The following PACRG variants were observed in gnomAD, a reference collection of about 807,000 sequenced individuals.
PACRG encodes parkin coregulated gene protein.
Under a neutral mutation model 29.7 loss-of-function variants are expected in PACRG, and 29 were observed. The ratio of observed to expected loss-of-function variants is 0.98; its 90% CI spans 0.73 to 1.33. The LOEUF is 1.33. PACRG is among the 40% of genes most tolerant of loss of function. The pLI, the probability that PACRG is intolerant of heterozygous loss-of-function variation, is 0.00. For missense variants in PACRG, 279 were observed against 316.2 expected, an observed-to-expected ratio of 0.88 and a Z score of 0.89; for synonymous variants, 116 against 118.7, an observed-to-expected ratio of 0.98 and a Z score of 0.15.
Position 163,244,073 on chromosome 6 carries a change from A to G in PACRG, c.614-70754A>G, listed in dbSNP as rs188954650. On this transcript the variant is annotated intron_variant, in intron 4 of 4. Transcript: ENST00000366888. ...TGTCTTTGGCCACTTTTGTGTGTTC[A>G]TTCAGTGATTCACAAAGACGAATAA... Among the ~76,000 whole-genome samples the G allele has an allele frequency of 9.4e-4, 143 of 152,360 alleles. 1 individual carries two copies. Among genetic ancestry groups the G allele is most frequent in the Admixed American group, 8.6e-3 (132 of 15,306 alleles).
intron 4 of PACRG, chr6:163,179,332 G>A: frequency 2.3e-6 from 1 of 439,190 alleles, no homozygotes; most frequent in Non-Finnish European, 4.6e-6. Context: ...CTGCTCCCAA[G>A]ACGAGGCACA....
At chr6:163,073,268 C>G (rs754275726) in intron 3 of PACRG, among the ~76,000 whole-genome samples, 1 of 152,072 alleles carries the variant, frequency 6.6e-6, no homozygotes, top group Admixed American at 6.6e-5. Flanking sequence ...AGAGAGAAGT[C>G]AGAAATAAGT....
At chr6:163,212,533 G>A (rs903057838) in intron 4 of PACRG, among the ~76,000 whole-genome samples, 1 of 152,166 alleles carries the variant, frequency 6.6e-6, no homozygotes. Context: ...AGGGGACACA[G>A]ATGCTGGCTC....
At chr6:162,775,905 G>A (rs1265115654) in intron 1 of PACRG, among the ~76,000 whole-genome samples, 16 of 152,196 alleles carry the variant, frequency 1.1e-4, no homozygotes, top group Non-Finnish European at 2.2e-4. Flanking sequence ...TATAAAGTTA[G>A]TATAAGTTTG....
intron 4 of PACRG, among the ~76,000 whole-genome samples, chr6:163,235,259 G>A (rs1439438475): frequency 6.6e-6 from 1 of 152,154 alleles, no homozygotes; most frequent in Non-Finnish European, 1.5e-5. Flanking sequence ...CCTTTTGCAT[G>A]TGACAGTCTA....
At chr6:163,043,697 C>T (rs918240206) in intron 2 of PACRG, among the ~76,000 whole-genome samples, 1 of 152,134 alleles carries the variant, frequency 6.6e-6, no homozygotes, top group African/African-American at 2.4e-5. Context: ...GAATACTTTC[C>T]AGAACTGGCT....
chr6:163,187,046 C>T (rs1779973360), intron 4 of PACRG, among the ~76,000 whole-genome samples: 1 of 152,250 alleles, frequency 6.6e-6, no homozygotes, highest in Non-Finnish European at 1.5e-5. Flanking sequence ...CGTCCTCAAG[C>T]TCCACAGGGT....
At chr6:163,082,151 C>G (rs1554354548) in intron 3 of PACRG, among the ~76,000 whole-genome samples, 1 of 152,014 alleles carries the variant, frequency 6.6e-6, no homozygotes, top group Non-Finnish European at 1.5e-5. Flanking sequence ...TAATTTTACA[C>G]AAATAACAAC....
At chr6:163,197,586 G>A (rs2128365493) in intron 4 of PACRG, among the ~76,000 whole-genome samples, 1 of 150,240 alleles carries the variant, frequency 6.7e-6, no homozygotes. Flanking sequence ...TGGGACTACA[G>A]GCGCCCGCCA....
intron 4 of PACRG, among the ~76,000 whole-genome samples, chr6:163,104,761 CT>C (rs1815288058): frequency 6.6e-6 from 1 of 152,174 alleles, no homozygotes; most frequent in Admixed American, 6.5e-5. Flanking sequence ...TTCACAATCT[CT>C]TTTGCTAACA....
At chr6:163,090,572 A>G (rs1415152539) in intron 4 of PACRG, among the ~76,000 whole-genome samples, 2 of 152,174 alleles carry the variant, frequency 1.3e-5, no homozygotes, top group African/African-American at 4.8e-5. Flanking sequence ...TTAAAATGTA[A>G]TGTTTTAGTA....
At chr6:162,849,022 G>T (rs913900265) in intron 2 of PACRG, among the ~76,000 whole-genome samples, 2 of 152,168 alleles carry the variant, frequency 1.3e-5, no homozygotes, top group Non-Finnish European at 2.9e-5. Context: ...ATGCCAAATG[G>T]TAACTAAAGG....
At chr6:163,019,699 C>A (rs1328190268) in intron 2 of PACRG, among the ~76,000 whole-genome samples, 1 of 152,082 alleles carries the variant, frequency 6.6e-6, no homozygotes, top group Non-Finnish European at 1.5e-5. Context: ...GTCCCCATTG[C>A]CTTATATTTT....
chr6:162,943,097 C>T (rs1322490486), intron 2 of PACRG, among the ~76,000 whole-genome samples: 2 of 152,186 alleles, frequency 1.3e-5, no homozygotes, highest in African/African-American at 4.8e-5. Flanking sequence ...CCCCTGCAGG[C>T]TCTGAGACTA....
Position 163,163,524 on chromosome 6 carries a change from G to A in PACRG, c.613+74116G>A, listed in dbSNP as rs865952425. On this transcript the variant is annotated intron_variant, in intron 4 of 4. Coordinates refer to ENST00000366888, the MANE Select transcript of PACRG (RefSeq NM_001080379.2). Reference sequence around the variant, plus strand: ...GGACCTCAGGTGACGCGCCTGCCTCGGCCTCACAAAGTGCTGGGATTACAG... The same window carrying A: ...GGACCTCAGGTGACGCGCCTGCCTCAGCCTCACAAAGTGCTGGGATTACAG... Among the ~76,000 whole-genome samples the A allele has an allele frequency of 9.7e-4, 148 of 152,242 alleles. 1 individual carries two copies. Among genetic ancestry groups the A allele is most frequent in the African/African-American group, 3.2e-3 (134 of 41,532 alleles).
intron 2 of PACRG, among the ~76,000 whole-genome samples, chr6:162,976,474 C>T (rs1801971503): frequency 6.6e-6 from 1 of 152,112 alleles, no homozygotes; most frequent in South Asian, 2.1e-4. Context: ...TGCTGATACC[C>T]TCCAGGTTCT....
intron 1 of PACRG, among the ~76,000 whole-genome samples, chr6:162,772,751 G>C (rs975157985): frequency 6.6e-6 from 1 of 152,126 alleles, no homozygotes; most frequent in Non-Finnish European, 1.5e-5. Context: ...TAGGACAAAA[G>C]TTACTAAGGA....
chr6:163,046,484 A>G (rs1438722802), intron 2 of PACRG: 1 of 151,934 alleles, frequency 6.6e-6, no homozygotes, highest in Non-Finnish European at 1.5e-5. Flanking sequence ...CCCAGGAATT[A>G]GGTATCATTT....
At chr6:162,960,034 T>C (rs1173006638) in intron 2 of PACRG, among the ~76,000 whole-genome samples, 1 of 151,996 alleles carries the variant, frequency 6.6e-6, no homozygotes, top group Non-Finnish European at 1.5e-5. Flanking sequence ...ATCAGAGAAA[T>C]GCAAATCAAA....
Sources: gnomAD v4.1 joint callset for allele counts (sites outside exome capture counted in the v4.1 genomes callset) on GRCh38, gnomAD v4.1.1 for gene constraint, MANE v1.5 for transcripts, NCBI Gene and HGNC (gene_info 2026-07-23, HGNC 2026-07-21) for gene names.